Variants in EPM2A observed in about 807,000 individuals in gnomAD.
The protein encoded by EPM2A is laforin.
In EPM2A, 21 loss-of-function variants were observed where a neutral mutation model predicts 26.5. The observed-to-expected ratio is 0.79, with a 90% confidence interval of 0.56 to 1.14. The LOEUF (loss-of-function observed/expected upper bound fraction) is 1.14. EPM2A is among the 50% of genes most tolerant of loss of function. The probability of loss-of-function intolerance (pLI) is 0.00; values close to 1 mark genes in which losing one functional copy is unlikely to be tolerated. For missense variants in EPM2A, 458 were observed against 440.8 expected (o/e 1.04, Z -0.35); for synonymous variants, 217 against 177.6 (o/e 1.22, Z -1.76).
intron 1 of EPM2A, among the ~76,000 whole-genome samples, chr6:145,700,372 T>C (rs759165801): frequency 6.6e-6 from 1 of 152,180 alleles, no homozygotes; most frequent in African/African-American, 2.4e-5. Flanking sequence ...GTAGTTCATT[T>C]TTTTTCCTTC....
intron 4 of EPM2A, chr6:145,489,597 C>A: frequency 8.2e-6 from 9 of 1,096,320 alleles, no homozygotes; most frequent in Non-Finnish European, 1.2e-5. Flanking sequence ...AAAAACCCAA[C>A]AAGTAAATTT....
intron 2 of EPM2A, among the ~76,000 whole-genome samples, chr6:145,572,762 C>G (rs1290294650): frequency 6.6e-6 from 1 of 152,172 alleles, no homozygotes; most frequent in Non-Finnish European, 1.5e-5. Context: ...GGTCATATGA[C>G]CCAAGTGGCA....
intron 1 of EPM2A, chr6:145,686,804 GT>G: frequency 6.2e-6 from 1 of 161,602 alleles, no homozygotes; most frequent in East Asian, 1.8e-4. Context: ...AGGTAAAACA[GT>G]TATTATTATT....
chr6:145,403,336 ATTCT>A (rs1778520608), intron 4 of EPM2A, among the ~76,000 whole-genome samples: 1 of 130,824 alleles, frequency 7.6e-6, no homozygotes, highest in South Asian at 2.6e-4. Flanking sequence ...GGTCTTATTC[ATTCT>A]TTCTAACTAT....
intron 2 of EPM2A, among the ~76,000 whole-genome samples, chr6:145,683,443 C>T (rs145483536): frequency 2.0e-4 from 31 of 151,388 alleles, no homozygotes; most frequent in African/African-American, 6.5e-4. Context: ...GATATATTTA[C>T]ACCTTGCAGT....
chr6:145,404,113 A>T (rs960130206), intron 4 of EPM2A, among the ~76,000 whole-genome samples: 2 of 151,972 alleles, frequency 1.3e-5, no homozygotes, highest in Non-Finnish European at 2.9e-5. Context: ...TTATCAGATT[A>T]TTAAACCTTT....
At chr6:145,731,202 A>C (rs2128645380) in intron 1 of EPM2A, among the ~76,000 whole-genome samples, 1 of 152,368 alleles carries the variant, frequency 6.6e-6, no homozygotes, top group South Asian at 2.1e-4. Context: ...ACACACCCTG[A>C]GCGGAATTTT....
chr6:145,408,493 C>T (rs1778599977), intron 4 of EPM2A, among the ~76,000 whole-genome samples: 1 of 152,182 alleles, frequency 6.6e-6, no homozygotes, highest in Non-Finnish European at 1.5e-5. Flanking sequence ...TTACGTTACT[C>T]TCTCTGGGTT....
intron 4 of EPM2A, among the ~76,000 whole-genome samples, chr6:145,401,325 T>G (rs1778483217): frequency 6.6e-6 from 1 of 152,186 alleles, no homozygotes; most frequent in African/African-American, 2.4e-5. Flanking sequence ...TATTTTCACC[T>G]TAGCAAGATC....
Position 145,735,483 on chromosome 6 carries a change from C to T in EPM2A, c.16G>A (p.Gly6Arg). 8 of 1,196,816 alleles carry T rather than the reference C, an allele frequency of 6.7e-6. No individual in the cohort carries two copies. The highest frequency in any genetic ancestry group is 8.3e-6 in the Non-Finnish European group (8 of 966,302). The allele number at this position is 1,196,816 out of a possible 1,614,324, so 74.1% of individuals were successfully genotyped here. A position where few individuals can be genotyped will look rare whatever the true frequency, so the allele number is the denominator to read the frequency against. The change falls in exon 1 of 4, where the codon GGG (glycine) becomes AGG (arginine). Residue 6 changes from glycine to arginine, a missense_variant. By Grantham distance (125) the Gly-to-Arg change is moderately radical. Coordinates refer to ENST00000367519, the MANE Select transcript of EPM2A (RefSeq NM_005670.4). MRFRFGVVVPPAVAGA... is the reference protein window; with the variant it reads MRFRFRVVVPPAVAGA... Reference sequence around the variant, plus strand: ...GCCACGGCGGGTGGCACCACCACCCCAAAGCGGAAGCGCATGGCGGGCGGC... The same window carrying T: ...GCCACGGCGGGTGGCACCACCACCCTAAAGCGGAAGCGCATGGCGGGCGGC...
At chr6:145,703,320 T>C (rs1198192872) in intron 1 of EPM2A, among the ~76,000 whole-genome samples, 1 of 152,118 alleles carries the variant, frequency 6.6e-6, no homozygotes, top group Non-Finnish European at 1.5e-5. Flanking sequence ...CTCGATCTCC[T>C]GACCTTGTGA....
chr6:145,532,870 C>T (rs984835824), intron 2 of EPM2A, among the ~76,000 whole-genome samples: 10 of 152,178 alleles, frequency 6.6e-5, no homozygotes, highest in Admixed American at 3.3e-4. Context: ...CCTAGTCCAG[C>T]TCTCTTCCTT....
chr6:145,469,691 A>T (rs1158698202), intron 4 of EPM2A, among the ~76,000 whole-genome samples: 9 of 152,112 alleles, frequency 5.9e-5, no homozygotes, highest in Admixed American at 2.6e-4. Context: ...AAGAAAGCAA[A>T]TCAGTATATT....
intron 3 of EPM2A, chr6:145,633,820 A>C (rs761018777): frequency 7.9e-5 from 12 of 152,232 alleles, no homozygotes; most frequent in Non-Finnish European, 1.5e-4. Flanking sequence ...CTGTGTAAGA[A>C]TGCAGGGAGA....
At chr6:145,618,080 T>G (rs1775554232) in intron 2 of EPM2A, among the ~76,000 whole-genome samples, 1 of 152,200 alleles carries the variant, frequency 6.6e-6, no homozygotes, top group Non-Finnish European at 1.5e-5. Context: ...TTCTACCTAA[T>G]GATGTTATAG....
intron 2 of EPM2A, among the ~76,000 whole-genome samples, chr6:145,546,010 C>A (rs1271789482): frequency 1.3e-5 from 2 of 152,048 alleles, no homozygotes; most frequent in Non-Finnish European, 2.9e-5. Context: ...AGTCAGGGTT[C>A]TTTAGAGCAA....
At chr6:145,640,214 A>T (rs1321345385) in intron 2 of EPM2A, 1 of 152,232 alleles carries the variant, frequency 6.6e-6, no homozygotes, top group Non-Finnish European at 1.5e-5. Flanking sequence ...AGCACTTTGT[A>T]AAAATCACCA....
intron 4 of EPM2A, among the ~76,000 whole-genome samples, chr6:145,428,195 C>T (rs968174126): frequency 4.0e-5 from 6 of 150,558 alleles, no homozygotes; most frequent in African/African-American, 9.8e-5. Flanking sequence ...TCATAAGACA[C>T]ATAATTTTGT....
intron 4 of EPM2A, among the ~76,000 whole-genome samples, chr6:145,442,865 A>ATTT (rs35175914): frequency 1.4e-5 from 2 of 147,352 alleles, no homozygotes; most frequent in African/African-American, 5.0e-5. Flanking sequence ...CTTTCTTACT[A>ATTT]TTTTTTTTTT....
Sources: allele counts gnomAD v4.1 joint callset (sites outside exome capture counted in the v4.1 genomes callset), GRCh38; gene constraint gnomAD v4.1.1; transcripts MANE v1.5; gene names NCBI Gene and HGNC (gene_info 2026-07-23, HGNC 2026-07-21).